Variants in WDR3 observed in about 807,000 individuals in gnomAD.
WDR3 encodes WD repeat-containing protein 3.
In WDR3, 81 loss-of-function variants were observed where a neutral mutation model predicts 123.7. The ratio of observed to expected loss-of-function variants is 0.65; its 90% CI spans 0.55 to 0.79. The LOEUF is 0.79. Ranked by LOEUF, WDR3 falls within the 30% of genes least tolerant of loss-of-function variation. The probability of loss-of-function intolerance (pLI) is 0.00; values close to 1 mark genes in which losing one functional copy is unlikely to be tolerated. For synonymous variants in WDR3, 390 were observed against 388.8 expected, an observed-to-expected ratio of 1.00 and a Z score of -0.04; for missense variants, 1,027 against 1,123.2, an observed-to-expected ratio of 0.91 and a Z score of 1.22.
chr1:117,941,152 C>G lies in WDR3; in HGVS notation c.818C>G (p.Ser273Cys). The G allele has an allele frequency of 6.2e-7, 1 of 1,614,122 alleles. No homozygotes were observed. Among genetic ancestry groups the G allele is most frequent in the South Asian group, 1.1e-5 (1 of 91,078 alleles). ...ATCCTTTCATGCAGAAAAGCTGGTTCCATAATGCGGGAAGGAAGAGACAGA... is the reference window on the plus strand; with the variant it reads ...ATCCTTTCATGCAGAAAAGCTGGTTGCATAATGCGGGAAGGAAGAGACAGA... ...DRILSCRKAG[S>C]IMREGRDRVV... Residue 273 changes from serine (S) to cysteine (C), a missense_variant, in exon 8 of 27, where the codon TCC becomes TGC. Ser to Cys is a moderately radical substitution (Grantham distance 112). Coordinates refer to ENST00000349139, the MANE Select transcript of WDR3 (RefSeq NM_006784.3).
At chr1:117,948,985 T>C (rs1215594313) in intron 13 of WDR3, among the ~76,000 whole-genome samples, 2 of 152,176 alleles carry the variant, frequency 1.3e-5, no homozygotes, top group Non-Finnish European at 2.9e-5. Flanking sequence ...TCTTGAGATT[T>C]TTTTTTTTGA....
intron 11 of WDR3, 68 bp from the exon 12 acceptor site, chr1:117,946,018 C>A: frequency 8.0e-7 from 1 of 1,247,092 alleles, no homozygotes; most frequent in South Asian, 1.4e-5. Flanking sequence ...TTGAAACCTA[C>A]ACACTGACCT....
Position 117,959,555 on chromosome 1 carries a change from C to T in WDR3, c.*108C>T, listed in dbSNP as rs1225210359. 1.0e-5 allele frequency: 12 copies of T among 1,198,080 alleles called. No individual in the cohort carries two copies. In the South Asian group the frequency reaches 1.9e-4, roughly 19 times the overall value. 74.2% of individuals were successfully genotyped at this position (1,198,080 alleles called of 1,614,324 possible). On this transcript the variant is annotated 3_prime_UTR_variant, in exon 27 of 27. Coordinates refer to ENST00000349139, the MANE Select transcript of WDR3 (RefSeq NM_006784.3). ...TTAAAAATACCAAATAACAGAAGAT[C>T]GCATTGCAGATGATATCAGGATGTG...
At chr1:117,941,512 G>A (rs536235639) in intron 8 of WDR3, among the ~76,000 whole-genome samples, 2 of 152,106 alleles carry the variant, frequency 1.3e-5, no homozygotes, top group African/African-American at 4.8e-5. Context: ...TTAAATGCTT[G>A]CTCTTCTAAG....
At chr1:117,953,863 CT>C in intron 21 of WDR3, 143 bp from the exon 22 acceptor site, 4 of 693,868 alleles carry the variant, frequency 5.8e-6, no homozygotes, top group South Asian at 4.1e-5. Context: ...TCTTTAAATG[CT>C]TTTTGGCACT....
Position 117,960,431 on chromosome 1 carries a change from G to T in WDR3, c.*984G>T, listed in dbSNP as rs1346360858. Reference sequence around the variant, plus strand: ...TTTACTGTGTTTATCAATACTATAAGTGTATGTCATCTGTTTATAAAATGA... The same window carrying T: ...TTTACTGTGTTTATCAATACTATAATTGTATGTCATCTGTTTATAAAATGA... On this transcript the variant is annotated 3_prime_UTR_variant, in exon 27 of 27. Coordinates refer to ENST00000349139, the MANE Select transcript of WDR3 (RefSeq NM_006784.3). The T allele has an allele frequency of 2.6e-5, 4 of 152,168 alleles. No homozygotes were observed. The highest frequency in any genetic ancestry group is 9.7e-5 in the African/African-American group (4 of 41,428). 9.4% of individuals were successfully genotyped at this position (152,168 alleles called of 1,614,324 possible).
At position 117,958,661 on chromosome 1, in the gene WDR3, G is replaced by C. The variant is rs550725539; in HGVS notation, c.2583-249G>C. On this transcript the variant is annotated intron_variant, in intron 25 of 26. Coordinates refer to ENST00000349139, the MANE Select transcript of WDR3 (RefSeq NM_006784.3). The stretch of plus-strand genomic sequence containing the variant: ...TAGCCACTGGCAGGTTGCTGGGCTG[G>C]AAGAAGAGCCTTTGCAAATGAGTTG... 4.6e-5 allele frequency among the ~76,000 whole-genome samples: 7 copies of C among 152,226 alleles called. No individual in the cohort carries two copies. In the South Asian group the frequency reaches 1.0e-3, roughly 23 times the overall value.
At position 117,939,460 on chromosome 1, in the gene WDR3, C is replaced by T. The variant is rs761751122; in HGVS notation, c.580-17C>T. On this transcript the variant is annotated splice_polypyrimidine_tract_variant and intron_variant, in intron 5 of 26. Coordinates refer to ENST00000349139, the MANE Select transcript of WDR3 (RefSeq NM_006784.3). The stretch of plus-strand genomic sequence containing the variant: ...CTCTTGAAAATCGTATTACTCAAAT[C>T]TTTTTATATTCTATAGGTATGGGGG... 2 of 1,577,350 alleles carry T rather than the reference C, an allele frequency of 1.3e-6. No individual in the cohort carries two copies. Among genetic ancestry groups the T allele is most frequent in the Non-Finnish European group, 8.6e-7 (1 of 1,156,910 alleles).
chr1:117,935,966 A>T (rs1650928632), intron 3 of WDR3, among the ~76,000 whole-genome samples: 1 of 152,070 alleles, frequency 6.6e-6, no homozygotes, highest in Non-Finnish European at 1.5e-5. Flanking sequence ...AAAGAAAGTC[A>T]TGAATTGGCA....
chr1:117,948,257 A>G, intron 12 of WDR3, 148 bp from the exon 13 acceptor site: 1 of 644,622 alleles, frequency 1.6e-6, no homozygotes, highest in East Asian at 2.8e-5. Flanking sequence ...GGTAGGAAAT[A>G]CAGAACATGG....
chr1:117,955,816 CG>C (rs1297978414), intron 24 of WDR3, among the ~76,000 whole-genome samples: 2 of 150,748 alleles, frequency 1.3e-5, no homozygotes, highest in African/African-American at 4.9e-5. Flanking sequence ...AATAATTACT[CG>C]ATATTGCATT....
At chr1:117,939,410 A>G in intron 5 of WDR3, 67 bp from the exon 6 acceptor site, 1 of 1,527,158 alleles carries the variant, frequency 6.5e-7, no homozygotes. Flanking sequence ...AGACTTTTGG[A>G]ATGTCATATT....
intron 4 of WDR3, among the ~76,000 whole-genome samples, chr1:117,937,682 T>C (rs1248538497): frequency 6.6e-6 from 1 of 152,168 alleles, no homozygotes; most frequent in African/African-American, 2.4e-5. Flanking sequence ...GGACGGACTT[T>C]GTAAATCAGG....
chr1:117,966,448 G>T lies in WDR3; in HGVS notation c.*7001G>T. On this transcript the variant is annotated 3_prime_UTR_variant, in exon 27 of 27. Transcript: ENST00000349139. ...GGTATTTTTTTAGATTTGGCTAGGT[G>T]CTTTCAAAGATGAATGAAGATGCTC... The T allele has an allele frequency of 3.1e-6, 2 of 644,166 alleles. No homozygotes were observed. The highest frequency in any genetic ancestry group is 4.8e-6 in the Non-Finnish European group (2 of 416,250). 39.9% of individuals were successfully genotyped at this position (644,166 alleles called of 1,614,324 possible).
intron 1 of WDR3, among the ~76,000 whole-genome samples, chr1:117,932,402 C>G (rs1177087562): frequency 6.6e-6 from 1 of 152,204 alleles, no homozygotes; most frequent in Non-Finnish European, 1.5e-5. Flanking sequence ...CTACCTCAGA[C>G]TTATGAAATC....
intron 6 of WDR3, among the ~76,000 whole-genome samples, chr1:117,940,371 A>G (rs562192903): frequency 5.3e-4 from 81 of 152,276 alleles, no homozygotes; most frequent in South Asian, 1.0e-3. Context: ...GATAAGGGAG[A>G]TCACTGATTA....
chr1:117,965,157 A>C lies in WDR3; in HGVS notation c.*5710A>C, dbSNP rs1332794364. ...AATACAGTCATTCTTTACCTTTTGC[A>C]ATTTAGTTTTTATCCCAACCAAATT... is the stretch of plus-strand genomic sequence containing the variant. On this transcript the variant is annotated 3_prime_UTR_variant, in exon 27 of 27. Transcript: ENST00000349139. The C allele has an allele frequency of 6.6e-6, 1 of 152,204 alleles. No individual in the cohort carries two copies. The highest frequency in any genetic ancestry group is 1.5e-5 in the Non-Finnish European group (1 of 68,030). The allele number at this position is 152,204 out of a possible 1,614,324, so 9.4% of individuals were successfully genotyped here.
chr1:117,938,652 A>G (rs1651027997), intron 5 of WDR3, 94 bp downstream of exon 5: 4 of 1,072,008 alleles, frequency 3.7e-6, no homozygotes, highest in Admixed American at 2.3e-5. Context: ...CTTTGTTTTT[A>G]GTGCACACAG....
chr1:117,957,350 G>A (rs1381226493), intron 25 of WDR3, among the ~76,000 whole-genome samples, 154 bp downstream of exon 25: 1 of 152,174 alleles, frequency 6.6e-6, no homozygotes. Flanking sequence ...GCTGAGGTGG[G>A]TGGATTGCTT....
Sources: gnomAD v4.1 joint callset for allele counts (sites outside exome capture counted in the v4.1 genomes callset) on GRCh38, gnomAD v4.1.1 for gene constraint, MANE v1.5 for transcripts, NCBI Gene and HGNC (gene_info 2026-07-23, HGNC 2026-07-21) for gene names.